USP31: variants seen among roughly 807,000 people sequenced by gnomAD.
USP31 encodes the protein ubiquitin carboxyl-terminal hydrolase 31.
In USP31, 44 loss-of-function variants were observed where a neutral mutation model predicts 119.4. The ratio of observed to expected loss-of-function variants is 0.37; its 90% CI spans 0.29 to 0.47. USP31 has a LOEUF of 0.47. Ranked by LOEUF, USP31 falls within the 20% of genes least tolerant of loss-of-function variation. The pLI, the probability that USP31 is intolerant of heterozygous loss-of-function variation, is 0.99. For missense variants in USP31, 1,643 were observed against 1,730.2 expected (o/e 0.95, Z 0.89); for synonymous variants, 749 against 705.6 (o/e 1.06, Z -0.97).
chr16:23,099,226 C>T (rs1025519577), intron 6 of USP31, among the ~76,000 whole-genome samples: 1 of 152,194 alleles, frequency 6.6e-6, no homozygotes, highest in African/African-American at 2.4e-5. Context: ...AAATGCTCAT[C>T]ATCACTGGTC....
At chr16:23,140,507 C>T (rs191209452) in intron 1 of USP31, among the ~76,000 whole-genome samples, 3 of 152,292 alleles carry the variant, frequency 2.0e-5, no homozygotes, top group African/African-American at 7.2e-5. Context: ...TGTCCCCAGA[C>T]CATGCTATAT....
At chr16:23,103,147 C>T (rs763151828) in intron 5 of USP31, among the ~76,000 whole-genome samples, 11 of 152,096 alleles carry the variant, frequency 7.2e-5, no homozygotes, top group Non-Finnish European at 1.6e-4. Flanking sequence ...GTCTAACCTC[C>T]GTTTCACTGA....
chr16:23,090,015 G>C (rs1264715155), intron 7 of USP31, among the ~76,000 whole-genome samples: 1 of 152,178 alleles, frequency 6.6e-6, no homozygotes, highest in African/African-American at 2.4e-5. Flanking sequence ...AAGCTGTCAG[G>C]AAAGTAGCTG....
chr16:23,085,957 A>AT (rs1440244429), intron 9 of USP31, among the ~76,000 whole-genome samples: 1 of 152,232 alleles, frequency 6.6e-6, no homozygotes, highest in East Asian at 1.9e-4. Context: ...TCAGATAGTC[A>AT]TTATGACCTT....
chr16:23,105,811 A>T (rs147693014), intron 4 of USP31, among the ~76,000 whole-genome samples: 20 of 152,300 alleles, frequency 1.3e-4, no homozygotes, highest in African/African-American at 4.6e-4. Flanking sequence ...AAACAAAAAT[A>T]TATCTACACT....
intron 1 of USP31, among the ~76,000 whole-genome samples, chr16:23,145,900 T>C (rs1455271820): frequency 1.3e-5 from 2 of 152,186 alleles, no homozygotes; most frequent in African/African-American, 2.4e-5. Flanking sequence ...GGTGAATGAA[T>C]GAATGTAGAG....
chr16:23,098,147 G>A (rs1477526339), intron 6 of USP31, among the ~76,000 whole-genome samples: 1 of 152,102 alleles, frequency 6.6e-6, no homozygotes, highest in Non-Finnish European at 1.5e-5. Flanking sequence ...AAATCAATGT[G>A]CAAAAATCAC....
intron 1 of USP31, among the ~76,000 whole-genome samples, chr16:23,146,495 T>A (rs757678482): frequency 1.4e-4 from 21 of 152,030 alleles, no homozygotes; most frequent in Admixed American, 5.2e-4. Context: ...GCCACTGCCC[T>A]CCAGCCTGGG....
chr16:23,123,432 T>C (rs994259055), intron 1 of USP31, among the ~76,000 whole-genome samples: 19 of 151,824 alleles, frequency 1.3e-4, no homozygotes, highest in Admixed American at 1.0e-3. Context: ...CAGCTACTCA[T>C]GAGGCTGAAG....
chr16:23,104,229 T>C (rs769922384), intron 5 of USP31, among the ~76,000 whole-genome samples: 9 of 152,190 alleles, frequency 5.9e-5, no homozygotes, highest in East Asian at 1.9e-4. Context: ...ATTCCACAAA[T>C]AGTCCAGCAA....
intron 7 of USP31, among the ~76,000 whole-genome samples, chr16:23,088,530 TC>T: frequency 6.6e-6 from 1 of 152,306 alleles, no homozygotes; most frequent in East Asian, 1.9e-4. Flanking sequence ...TCAACTCTCA[TC>T]CACGCCCAGT....
chr16:23,148,555 G>A, intron 1 of USP31, 83 bp downstream of exon 1: 1 of 1,380,974 alleles, frequency 7.2e-7, no homozygotes, highest in Non-Finnish European at 9.3e-7. Context: ...CGGGCCAAGA[G>A]GAACCGAGGG....
chr16:23,078,387 G>A (rs1039289405), intron 13 of USP31, among the ~76,000 whole-genome samples: 7 of 151,806 alleles, frequency 4.6e-5, no homozygotes, highest in Non-Finnish European at 8.8e-5. Flanking sequence ...AATACTAGGC[G>A]TGAAGATGAG....
At chr16:23,145,040 C>A (rs1360793059) in intron 1 of USP31, among the ~76,000 whole-genome samples, 1 of 152,094 alleles carries the variant, frequency 6.6e-6, no homozygotes, top group Non-Finnish European at 1.5e-5. Flanking sequence ...CTTCCTGCAC[C>A]CCCACTGCTC....
chr16:23,076,899 G>GT (rs1900600118), intron 13 of USP31, among the ~76,000 whole-genome samples: 1 of 152,142 alleles, frequency 6.6e-6, no homozygotes, highest in Admixed American at 6.5e-5. Context: ...CATTCTACCA[G>GT]TCCACAAGTA....
intron 1 of USP31, among the ~76,000 whole-genome samples, chr16:23,139,356 C>T (rs1903284963): frequency 6.6e-6 from 1 of 152,156 alleles, no homozygotes; most frequent in African/African-American, 2.4e-5. Flanking sequence ...GAGCCGAGAT[C>T]ACGCTAATCA....
chr16:23,102,446 C>A lies in USP31; in HGVS notation c.1107G>T (p.Met369Ile), dbSNP rs753327566. The stretch of plus-strand genomic sequence containing the variant: ...AGGAACGATGGAACCCATCATAGTA[C>A]ATTTCTGTTAACACAATCTAAAAAT... ...IPTDQIVLTE[M>I]YYDGFHRSFC... Residue 369 changes from methionine to isoleucine, a missense_variant, in exon 6 of 16, where the codon ATG (methionine) becomes ATT (isoleucine). Physicochemically the swap from Met to Ile is conservative, Grantham distance 10. Transcript: ENST00000219689. 7.5e-6 allele frequency: 12 copies of A among 1,609,398 alleles called. No individual in the cohort carries two copies. The highest frequency in any genetic ancestry group is 1.0e-5 in the Non-Finnish European group (12 of 1,178,460).
intron 7 of USP31, among the ~76,000 whole-genome samples, chr16:23,089,304 A>C (rs1348290895): frequency 6.6e-6 from 1 of 152,074 alleles, no homozygotes; most frequent in African/African-American, 2.4e-5. Context: ...TTGTCTTGCC[A>C]GCCTCCCACC....
In USP31 at chr16:23,087,846, T is replaced by TCAAC; in HGVS notation, c.1416-15_1416-12dup. The stretch of plus-strand genomic sequence containing the variant: ...AAAGGCAGTCCAAATCTAACACACA[T>TCAAC]CAACAATGTAATCACCTTTAAAGTA... On this transcript the variant is annotated splice_polypyrimidine_tract_variant and intron_variant, in intron 7 of 15. Transcript: ENST00000219689. 6.2e-7 allele frequency: 1 copy of TCAAC among 1,605,818 alleles called. No individual in the cohort carries two copies. The highest frequency in any genetic ancestry group is 8.5e-7 in the Non-Finnish European group (1 of 1,173,708).
Sources: gnomAD v4.1 joint callset for allele counts (sites outside exome capture counted in the v4.1 genomes callset) on GRCh38, gnomAD v4.1.1 for gene constraint, MANE v1.5 for transcripts, NCBI Gene and HGNC (gene_info 2026-07-23, HGNC 2026-07-21) for gene names.